Variants in RASGRP3 observed in about 807,000 individuals in gnomAD.
RASGRP3 encodes ras guanyl-releasing protein 3.
RASGRP3 carries 54 observed loss-of-function variants against 82.7 expected under a neutral mutation model. That is an observed-to-expected ratio of 0.65 (90% CI 0.52 to 0.82). RASGRP3 has a LOEUF of 0.82. Ranked by LOEUF, RASGRP3 falls within the 40% of genes least tolerant of loss-of-function variation. The probability of loss-of-function intolerance (pLI) is 0.00; values close to 1 mark genes in which losing one functional copy is unlikely to be tolerated. For missense variants in RASGRP3, 861 were observed against 828.9 expected (o/e 1.04, Z -0.48); for synonymous variants, 309 against 300.5 (o/e 1.03, Z -0.29).
At chr2:33,485,651 C>T (rs530881576) in intron 1 of RASGRP3, among the ~76,000 whole-genome samples, 3 of 152,314 alleles carry the variant, frequency 2.0e-5, no homozygotes, top group African/African-American at 7.2e-5. Flanking sequence ...CAATCATATT[C>T]ATTCCCATGA....
At chr2:33,518,656 T>TA (rs776143512) in intron 4 of RASGRP3, among the ~76,000 whole-genome samples, 2 of 152,232 alleles carry the variant, frequency 1.3e-5, no homozygotes, top group Non-Finnish European at 2.9e-5. Context: ...TGCACTGCTG[T>TA]AAAAAATATT....
intron 1 of RASGRP3, among the ~76,000 whole-genome samples, chr2:33,444,139 C>T (rs1665380434): frequency 6.6e-6 from 1 of 151,432 alleles, no homozygotes; most frequent in South Asian, 2.1e-4. Flanking sequence ...CCTGTCTCTA[C>T]AAAAACAATT....
chr2:33,489,555 T>C (rs1485590950), intron 1 of RASGRP3, among the ~76,000 whole-genome samples: 3 of 152,206 alleles, frequency 2.0e-5, no homozygotes, highest in Non-Finnish European at 2.9e-5. Context: ...TTGTTTCTTT[T>C]GTGGGTTTTA....
At chr2:33,469,499 TACCC>T in intron 2 of RASGRP3, among the ~76,000 whole-genome samples, 1 of 151,910 alleles carries the variant, frequency 6.6e-6, no homozygotes, top group East Asian at 1.9e-4. Context: ...CTCATTCTGT[TACCC>T]AGGCTGAGTG....
intron 1 of RASGRP3, among the ~76,000 whole-genome samples, chr2:33,500,869 G>A (rs1430054094): frequency 1.3e-5 from 2 of 152,194 alleles, no homozygotes; most frequent in Admixed American, 6.5e-5. Flanking sequence ...GGGAGGCGGA[G>A]GTTGCAGTGA....
At chr2:33,484,234 C>G (rs1454124209) in intron 1 of RASGRP3, among the ~76,000 whole-genome samples, 4 of 152,140 alleles carry the variant, frequency 2.6e-5, no homozygotes, top group Admixed American at 2.0e-4. Flanking sequence ...GAAGAAATGT[C>G]CTTTTCTGGC....
chr2:33,453,453 T>C (rs1481126330), intron 2 of RASGRP3, among the ~76,000 whole-genome samples: 6 of 152,238 alleles, frequency 3.9e-5, no homozygotes. Context: ...GGTGGCTCAC[T>C]TATATGGCTG....
chr2:33,451,153 C>T (rs1039654029), intron 2 of RASGRP3, among the ~76,000 whole-genome samples: 21 of 151,940 alleles, frequency 1.4e-4, no homozygotes, highest in African/African-American at 1.9e-4. Context: ...TGTGAGCCAC[C>T]GTGCCCAGCT....
intron 2 of RASGRP3, among the ~76,000 whole-genome samples, chr2:33,465,050 A>G (rs978575650): frequency 1.3e-5 from 2 of 152,254 alleles, no homozygotes; most frequent in African/African-American, 4.8e-5. Flanking sequence ...GCTAGACATG[A>G]TAAAGCCTAG....
Position 33,563,216 on chromosome 2 carries a change from G to C in RASGRP3, c.*479G>C, listed in dbSNP as rs1264683250. ...TTTTTTGTTTTTCTTGTTTTGTTTT[G>C]TTTTGTTTTGTTCTTCTTGGTGTGC... On this transcript the variant is annotated 3_prime_UTR_variant, in exon 18 of 18. Coordinates refer to ENST00000403687, the MANE Select transcript of RASGRP3 (RefSeq NM_001139488.2). The C allele has an allele frequency of 1.9e-5, 3 of 154,028 alleles. No individual in the cohort carries two copies. Among genetic ancestry groups the C allele is most frequent in the African/African-American group, 7.3e-5 (3 of 41,146 alleles). The allele number at this position is 154,028 out of a possible 1,614,324, so 9.5% of individuals were successfully genotyped here. A position where few individuals can be genotyped will look rare whatever the true frequency, so the allele number is the denominator to read the frequency against.
At chr2:33,477,085 G>A (rs1016130936) in intron 1 of RASGRP3, among the ~76,000 whole-genome samples, 15 of 152,162 alleles carry the variant, frequency 9.9e-5, no homozygotes, top group African/African-American at 3.4e-4. Flanking sequence ...ATTGAAGTGA[G>A]TTGATGACTA....
chr2:33,493,557 G>A (rs1052216619), intron 1 of RASGRP3, among the ~76,000 whole-genome samples: 1 of 151,890 alleles, frequency 6.6e-6, no homozygotes, highest in Non-Finnish European at 1.5e-5. Context: ...CCCAAGTGTT[G>A]GAGCCAGAGA....
At chr2:33,534,285 G>A (rs367669001) in intron 10 of RASGRP3, 38 bp from the exon 11 acceptor site, 17 of 1,362,756 alleles carry the variant, frequency 1.2e-5, no homozygotes, top group Non-Finnish European at 1.8e-5. Context: ...ATAAATAAAT[G>A]TAATCCGACA....
chr2:33,561,060 T>TTTTC (rs1338631569), intron 17 of RASGRP3, among the ~76,000 whole-genome samples: 3 of 152,248 alleles, frequency 2.0e-5, no homozygotes, highest in East Asian at 3.9e-4. Flanking sequence ...TTCTTATCTC[T>TTTTC]TTTCTTTCTT....
At position 33,559,857 on chromosome 2, in the gene RASGRP3, G is replaced by C. The variant is rs189638257; in HGVS notation, c.2064+827G>C. Among the ~76,000 whole-genome samples, 3 of 152,168 alleles carry C rather than the reference G, an allele frequency of 2.0e-5. No individual in the cohort carries two copies. The East Asian group carries it at 5.8e-4, about 30-fold the overall frequency. On this transcript the variant is annotated intron_variant, in intron 17 of 17. Transcript: ENST00000403687. ...TGGTCCTCCACATTCCACTCTTCAG[G>C]AGACCTAAACACACGTCTCCATACA...
intron 1 of RASGRP3, among the ~76,000 whole-genome samples, chr2:33,502,376 A>T (rs926568558): frequency 6.6e-6 from 1 of 151,934 alleles, no homozygotes; most frequent in Non-Finnish European, 1.5e-5. Context: ...GCTTCCCTTC[A>T]TTTGTCTTAA....
At chr2:33,459,719 G>A (rs1666253134) in intron 2 of RASGRP3, among the ~76,000 whole-genome samples, 1 of 152,080 alleles carries the variant, frequency 6.6e-6, no homozygotes, top group Non-Finnish European at 1.5e-5. Context: ...ACAAAGGGTT[G>A]ATCAGTATAA....
rs188663748 is a variant in RASGRP3 at position 33,499,417 on chromosome 2, G to A, written c.-260-12293G>A. 2.2e-4 allele frequency among the ~76,000 whole-genome samples: 33 copies of A among 152,146 alleles called. No individual in the cohort carries two copies. The East Asian group carries it at 6.4e-3, about 29-fold the overall frequency. On this transcript the variant is annotated intron_variant, in intron 1 of 17. Transcript: ENST00000403687. ...CTACCAAAAATACAAAAATTAGCTG[G>A]GTGTGGTGGTGCGCACATGTGGTCC...
rs1676339310 is a variant in RASGRP3, at chr2:33,559,002, AAGG to A, written c.2039_2041del (p.Gly680del). On this transcript the variant is annotated inframe_deletion, in exon 17 of 18. Coordinates refer to ENST00000403687, the MANE Select transcript of RASGRP3 (RefSeq NM_001139488.2). ...ACGGAGTTTGAACTTGACCAGGATGAAGGAGAAGAGACCAGACAGGATGGTGAG... is the reference window on the plus strand; with the variant it reads ...ACGGAGTTTGAACTTGACCAGGATGAAGAAGAGACCAGACAGGATGGTGAG... 4 of 1,612,454 alleles carry A rather than the reference AAGG, an allele frequency of 2.5e-6. No individual in the cohort carries two copies. In the East Asian group the frequency reaches 8.9e-5, roughly 36 times the overall value.
Sources: allele counts gnomAD v4.1 joint callset (sites outside exome capture counted in the v4.1 genomes callset), GRCh38; gene constraint gnomAD v4.1.1; transcripts MANE v1.5; gene names NCBI Gene and HGNC (gene_info 2026-07-23, HGNC 2026-07-21).